Variants in COL12A1 observed in about 807,000 individuals in gnomAD.
COL12A1 encodes the protein collagen type XII alpha 1 chain, also known as collagen alpha-1(XII) chain.
A neutral mutation model predicts 349.7 loss-of-function variants in COL12A1; 114 were observed. The observed-to-expected ratio is 0.33, with a 90% CI of 0.28 to 0.38. COL12A1 has a LOEUF of 0.38. Among genes scored for constraint, COL12A1 ranks in the 10% least tolerant of loss-of-function variants. The pLI is 1.00. For synonymous variants in COL12A1, 1,369 were observed against 1,329.0 expected, an observed-to-expected ratio of 1.03 and a Z score of -0.66; for missense variants, 3,284 against 3,756.9, an observed-to-expected ratio of 0.87 and a Z score of 3.29.
At chr6:75,109,272 A>C in intron 51 of COL12A1, 105 bp from the exon 52 acceptor site, 2 of 736,428 alleles carry the variant, frequency 2.7e-6, no homozygotes, top group Non-Finnish European at 2.1e-6. Context: ...AGCTATTCTC[A>C]TCCTAAATCA....
At chr6:75,101,210 T>C (rs6453814) in intron 58 of COL12A1, among the ~76,000 whole-genome samples, 7,335 of 152,272 alleles carry the variant, frequency 0.048, 575 homozygotes, top group African/African-American at 0.17. Context: ...GAAAGTGCTA[T>C]GGGAGTCAAG....
At chr6:75,159,720 C>T (rs1767938125) in intron 14 of COL12A1, among the ~76,000 whole-genome samples, 3 of 151,186 alleles carry the variant, frequency 2.0e-5, no homozygotes, top group South Asian at 4.2e-4. Context: ...AATTTTTAAA[C>T]GAATTTCACA....
At chr6:75,110,034 T>C (rs1312462610) in intron 51 of COL12A1, among the ~76,000 whole-genome samples, 1 of 152,076 alleles carries the variant, frequency 6.6e-6, no homozygotes, top group East Asian at 1.9e-4. Flanking sequence ...CTAAATATTT[T>C]TCCCACATGG....
In COL12A1 at chr6:75,165,670, T is replaced by G. The variant is rs1173477060; in HGVS notation, c.2820A>C (p.Lys940Asn). The G allele has an allele frequency of 3.7e-6, 6 of 1,614,008 alleles. No individual in the cohort carries two copies. Among genetic ancestry groups the G allele is most frequent in the Middle Eastern group, 1.6e-4 (1 of 6,062 alleles). ...CAGTGTCAACATCATCATAAAGTGA[T>G]TTCCATGAGACCCTGTAACCGCGAA... ...GMVRGYRVSWKSLYDDVDTGE... is the reference protein window; with the variant it reads ...GMVRGYRVSWNSLYDDVDTGE... The change falls in exon 14 of 66, where the codon AAA (lysine) becomes AAC (asparagine). Residue 940 changes from lysine (K) to asparagine (N), a missense_variant. Transcript: ENST00000322507.
Position 75,137,567 on chromosome 6 carries a change from C to T in COL12A1, c.5264G>A (p.Gly1755Asp), listed in dbSNP as rs1288046208. ...PILTTQAPKS[G>D]PRNLQVYNAT... ...ATTGTACACTTGAAGGTTTCGTGGGCCACTTTTGGGAGCTGAAAGAAGATT... is the reference window on the plus strand; with the variant it reads ...ATTGTACACTTGAAGGTTTCGTGGGTCACTTTTGGGAGCTGAAAGAAGATT... Residue 1755 changes from glycine (G) to aspartate (D), a missense_variant, in exon 31 of 66, where the codon GGC becomes GAC. Gly to Asp is a moderately conservative substitution (Grantham distance 94). This residue lies in a region of COL12A1 where 2,601 missense variants were observed against 2,824.8 expected (regional missense o/e 0.92). Transcript: ENST00000322507. The T allele has an allele frequency of 2.5e-6, 4 of 1,613,512 alleles. No homozygotes were observed. The highest frequency in any genetic ancestry group is 1.1e-5 in the South Asian group (1 of 90,928).
intron 31 of COL12A1, among the ~76,000 whole-genome samples, chr6:75,136,962 G>C (rs1294366546): frequency 1.3e-5 from 2 of 152,034 alleles, no homozygotes; most frequent in Non-Finnish European, 2.9e-5. Flanking sequence ...AGGTTAACAG[G>C]CTCCCACATC....
At position 75,175,329 on chromosome 6, in the gene COL12A1, A is replaced by T; in HGVS notation, c.2438-19T>A. 3 of 1,603,720 alleles carry T rather than the reference A, an allele frequency of 1.9e-6. No individual in the cohort carries two copies. Among genetic ancestry groups the T allele is most frequent in the Non-Finnish European group, 2.6e-6 (3 of 1,175,648 alleles). On this transcript the variant is annotated intron_variant, in intron 12 of 65. Coordinates refer to ENST00000322507, the MANE Select transcript of COL12A1 (RefSeq NM_004370.6). ...CCTCTAACTTCATTAAAAAATGACAACATCATCAAAACCCATTATTTAAAA... is the reference window on the plus strand; with the variant it reads ...CCTCTAACTTCATTAAAAAATGACATCATCATCAAAACCCATTATTTAAAA...
At chr6:75,113,124 T>C in intron 51 of COL12A1, 80 bp downstream of exon 51, 2 of 715,308 alleles carry the variant, frequency 2.8e-6, no homozygotes, top group Non-Finnish European at 4.2e-6. Context: ...TCTGCCAATT[T>C]AACATGACAT....
intron 34 of COL12A1, among the ~76,000 whole-genome samples, chr6:75,132,793 C>A (rs1766373423): frequency 6.6e-6 from 1 of 152,146 alleles, no homozygotes; most frequent in African/African-American, 2.4e-5. Context: ...TCTAAATCTG[C>A]ACAAAAGCCT....
intron 54 of COL12A1, among the ~76,000 whole-genome samples, chr6:75,104,224 C>T (rs1028837393): frequency 2.6e-5 from 4 of 152,050 alleles, no homozygotes; most frequent in South Asian, 2.1e-4. Context: ...AACAACTGAA[C>T]AAAGAGGAAA....
At chr6:75,169,996 G>A (rs1242969323) in intron 13 of COL12A1, among the ~76,000 whole-genome samples, 3 of 152,122 alleles carry the variant, frequency 2.0e-5, no homozygotes, top group East Asian at 3.9e-4. Context: ...AATTCAGACA[G>A]GTCTACTTCT....
At chr6:75,140,098 T>C (rs539499006) in intron 27 of COL12A1, among the ~76,000 whole-genome samples, 5 of 152,338 alleles carry the variant, frequency 3.3e-5, no homozygotes, top group African/African-American at 4.8e-5. Flanking sequence ...AGGGAAAATA[T>C]ATATTAAAAA....
intron 1 of COL12A1, among the ~76,000 whole-genome samples, chr6:75,204,802 C>G (rs1770698522): frequency 6.6e-6 from 1 of 151,896 alleles, no homozygotes; most frequent in Non-Finnish European, 1.5e-5. Context: ...ACACACACAC[C>G]GCGTGCGCGT....
chr6:75,151,058 G>GGGCGGCCCCC, intron 21 of COL12A1, 83 bp downstream of exon 21: 1 of 368,970 alleles, frequency 2.7e-6, no homozygotes, highest in Non-Finnish European at 5.2e-6. Flanking sequence ...ACAAAATAGT[G>GGGCGGCCCCC]CCCTCCCCCC....
chr6:75,112,835 A>G (rs963174625), intron 51 of COL12A1, among the ~76,000 whole-genome samples: 1 of 151,634 alleles, frequency 6.6e-6, no homozygotes, highest in African/African-American at 2.4e-5. Context: ...TTTCAATAAA[A>G]AGCAAGCAGA....
chr6:75,138,610 C>T (rs764660609), intron 28 of COL12A1, 30 bp from the exon 29 acceptor site: 27 of 1,608,950 alleles, frequency 1.7e-5, no homozygotes, highest in Middle Eastern at 3.3e-4. Context: ...AACATACCCA[C>T]GCAAAAGTAA....
chr6:75,126,169 AC>A (rs1354713916), intron 39 of COL12A1, among the ~76,000 whole-genome samples, 181 bp downstream of exon 39: 3 of 152,194 alleles, frequency 2.0e-5, no homozygotes, highest in African/African-American at 7.2e-5. Flanking sequence ...ACCTATAATA[AC>A]AATGGTACTT....
chr6:75,163,227 G>A (rs1295763110), intron 14 of COL12A1, among the ~76,000 whole-genome samples: 1 of 152,138 alleles, frequency 6.6e-6, no homozygotes, highest in Admixed American at 6.5e-5. Context: ...GTTTATTGCA[G>A]CAGTGTTCAC....
In COL12A1 at chr6:75,101,985, A is replaced by G. The variant is rs370535727; in HGVS notation, c.8469+14T>C. Reference sequence around the variant, plus strand: ...CAAATAGCACATGACAGGGCAACTTAGAGACCAACTCACTGTTCGGCCTGG... The same window carrying G: ...CAAATAGCACATGACAGGGCAACTTGGAGACCAACTCACTGTTCGGCCTGG... On this transcript the variant is annotated intron_variant, in intron 57 of 65. Transcript: ENST00000322507. The G allele has an allele frequency of 2.4e-5, 39 of 1,613,916 alleles. No homozygotes were observed. In the African/African-American group the frequency reaches 4.3e-4, roughly 18 times the overall value.
Sources: allele counts gnomAD v4.1 joint callset (sites outside exome capture counted in the v4.1 genomes callset), GRCh38; gene constraint gnomAD v4.1.1; regional missense constraint gnomAD v4.1.1; transcripts MANE v1.5; gene names NCBI Gene and HGNC (gene_info 2026-07-23, HGNC 2026-07-21).